The following IFT122 variants were observed in gnomAD, a reference collection of about 807,000 sequenced individuals.
IFT122 encodes the protein intraflagellar transport protein 122 homolog.
A neutral mutation model predicts 161.6 loss-of-function variants in IFT122; 118 were observed. The ratio of observed to expected loss-of-function variants is 0.73; its 90% CI spans 0.63 to 0.85. The LOEUF is 0.85. Ranked by LOEUF, IFT122 falls within the 40% of genes least tolerant of loss-of-function variation. IFT122 has a pLI of 0.00. For synonymous variants in IFT122, 550 were observed against 602.4 expected (o/e 0.91, Z 1.27); for missense variants, 1,381 against 1,579.6 (o/e 0.87, Z 2.13).
chr3:129,462,533 A>T (rs974687355), intron 5 of IFT122, among the ~76,000 whole-genome samples: 1 of 152,204 alleles, frequency 6.6e-6, no homozygotes. Context: ...CTGCTCTGCT[A>T]AGCACTGCTG....
intron 15 of IFT122, chr3:129,487,640 C>T (rs141298928): frequency 1.1e-3 from 182 of 167,018 alleles, no homozygotes; most frequent in African/African-American, 3.9e-3. Context: ...TTCTTGGACT[C>T]AGTCCCTGGA....
rs112120558 is a variant in IFT122 at position 129,501,953 on chromosome 3, C to T, written c.2376-758C>T. ...TCACCAAGACTAGCCTGGGTAGAAC[C>T]CTTTCTCCTGGGAGAGTTAGTTTGA... is the stretch of plus-strand genomic sequence containing the variant. On this transcript the variant is annotated intron_variant, in intron 19 of 29. Coordinates refer to ENST00000348417, the MANE Select transcript of IFT122 (RefSeq NM_052989.3). Among the ~76,000 whole-genome samples, 1,342 of 152,290 alleles carry T rather than the reference C, an allele frequency of 8.8e-3. 15 individuals are homozygous for T. The highest frequency in any genetic ancestry group is 0.031 in the African/African-American group (1,277 of 41,540).
chr3:129,456,002 T>A, intron 3 of IFT122: 1 of 402,574 alleles, frequency 2.5e-6, no homozygotes, highest in East Asian at 7.3e-5. Context: ...CTCATGTAGT[T>A]AAAACTCATG....
At chr3:129,460,790 C>A in intron 4 of IFT122, 1 of 1,336,496 alleles carries the variant, frequency 7.5e-7, no homozygotes, top group Non-Finnish European at 1.1e-6. Context: ...CGGGTTGAGA[C>A]GCCTTGCATG....
At chr3:129,475,997 G>A (rs1048108105) in intron 9 of IFT122, 17 of 422,760 alleles carry the variant, frequency 4.0e-5, no homozygotes, top group Admixed American at 7.3e-5. Context: ...GGGGGCCTTT[G>A]GGAACAAAAC....
intron 19 of IFT122, among the ~76,000 whole-genome samples, chr3:129,502,248 G>A (rs183337729): frequency 8.5e-5 from 13 of 152,312 alleles, no homozygotes; most frequent in Non-Finnish European, 1.2e-4. Context: ...CCACTTTTCC[G>A]TGAGAATTCC....
At chr3:129,493,200 A>G (rs2080365048) in intron 17 of IFT122, among the ~76,000 whole-genome samples, 1 of 152,158 alleles carries the variant, frequency 6.6e-6, no homozygotes, top group African/African-American at 2.4e-5. Context: ...TCTCCTGAAC[A>G]TATTTATTGT....
chr3:129,507,119 A>G (rs891063898), intron 22 of IFT122, among the ~76,000 whole-genome samples: 2 of 152,196 alleles, frequency 1.3e-5, no homozygotes, highest in Non-Finnish European at 2.9e-5. Context: ...TGAGCTCTGC[A>G]TGCCCATCTG....
Position 129,454,508 on chromosome 3 carries a change from CATATTTGTGTGTGTGTGT to C in IFT122, c.193+2511_193+2528del, listed in dbSNP as rs1245833392. Among the ~76,000 whole-genome samples, 476 of 112,440 alleles carry C rather than the reference CATATTTGTGTGTGTGTGT, an allele frequency of 4.2e-3. 5 individuals carry two copies. Among genetic ancestry groups the C allele is most frequent in the African/African-American group, 0.02 (462 of 22,922 alleles). The allele number at this position is 112,440 out of a possible 152,430, so 73.8% of individuals were successfully genotyped here. ...GTCAGGTGTGCTGTACCATGGTAGT[CATATTTGTGTGTGTGTGT>C]GTGTGTGTGTGTGTGTGTGTGTGTG... On this transcript the variant is annotated intron_variant, in intron 3 of 29. Coordinates refer to ENST00000348417, the MANE Select transcript of IFT122 (RefSeq NM_052989.3).
chr3:129,517,675 C>T, intron 27 of IFT122, 81 bp downstream of exon 27: 2 of 1,550,982 alleles, frequency 1.3e-6, no homozygotes, highest in South Asian at 2.2e-5. Flanking sequence ...AGGGCCCAGT[C>T]CCAGGGGATC....
chr3:129,487,247 A>G (rs184846396), intron 15 of IFT122, among the ~76,000 whole-genome samples: 17 of 152,350 alleles, frequency 1.1e-4, no homozygotes, highest in African/African-American at 3.4e-4. Context: ...TAAAGATGTC[A>G]TGGCCCAACT....
At chr3:129,503,005 T>A (rs1254601958) in intron 20 of IFT122, 123 bp downstream of exon 20, 2 of 861,696 alleles carry the variant, frequency 2.3e-6, no homozygotes, top group African/African-American at 1.7e-5. Flanking sequence ...GAAGGAACAT[T>A]GGGCTGGCAG....
chr3:129,520,487 G>GA lies in IFT122; in HGVS notation c.*229dup, dbSNP rs1156428002. ...AGAGAATGTACATATATTTTCTAAG[G>GA]AAAAAAATCTGTTACTTTCAGAACG... On this transcript the variant is annotated 3_prime_UTR_variant, in exon 30 of 30. Transcript: ENST00000348417. 11 of 607,130 alleles carry GA rather than the reference G, an allele frequency of 1.8e-5. 1 individual carries two copies. The highest frequency in any genetic ancestry group is 1.5e-4 in the African/African-American group (8 of 54,278). The allele number at this position is 607,130 out of a possible 1,614,324, so 37.6% of individuals were successfully genotyped here.
At chr3:129,457,719 T>G (rs2075685142) in intron 3 of IFT122, among the ~76,000 whole-genome samples, 1 of 150,446 alleles carries the variant, frequency 6.6e-6, no homozygotes, top group African/African-American at 2.5e-5. Flanking sequence ...ATTTCAAAAC[T>G]GGCACAGGAA....
intron 17 of IFT122, among the ~76,000 whole-genome samples, chr3:129,493,875 G>A (rs575883839): frequency 1.7e-4 from 26 of 152,126 alleles, no homozygotes; most frequent in Non-Finnish European, 3.1e-4. Flanking sequence ...TCCTCTCCTC[G>A]TATGCTATGA....
At position 129,492,143 on chromosome 3, in the gene IFT122, C is replaced by A; in HGVS notation, c.1995C>A (p.Ala665=). The change falls in exon 17 of 30, where the codon GCC becomes GCA. Residue 665 remains alanine, a splice_region_variant and synonymous_variant. Coordinates refer to ENST00000348417, the MANE Select transcript of IFT122 (RefSeq NM_052989.3). ...TATTCTTTATTTCTTCGCCACAGGC[C>A]TTCATCAGAGTACAAGACCTCCGAT... The part of the protein sequence containing the change: ...EGLDFETAKK[A]FIRVQDLRYL... The A allele has an allele frequency of 6.2e-7, 1 of 1,611,354 alleles. No homozygotes were observed. Among genetic ancestry groups the A allele is most frequent in the Non-Finnish European group, 8.5e-7 (1 of 1,177,702 alleles).
chr3:129,497,220 A>G (rs1024305084), intron 18 of IFT122, among the ~76,000 whole-genome samples: 2 of 152,182 alleles, frequency 1.3e-5, no homozygotes, highest in African/African-American at 4.8e-5. Flanking sequence ...GTGAGCCAAG[A>G]TCACGCCACT....
chr3:129,514,297 T>G, intron 24 of IFT122, 92 bp from the exon 25 acceptor site: 1 of 1,408,356 alleles, frequency 7.1e-7, no homozygotes, highest in Non-Finnish European at 9.9e-7. Context: ...CAGCACAAGC[T>G]GTGTTCCAGC....
intron 9 of IFT122, chr3:129,475,989 G>A (rs2077887503): frequency 7.3e-6 from 3 of 411,290 alleles, no homozygotes. Context: ...AGAGGGAGGG[G>A]GGCCTTTGGG....
Sources: allele counts gnomAD v4.1 joint callset (sites outside exome capture counted in the v4.1 genomes callset), GRCh38; gene constraint gnomAD v4.1.1; transcripts MANE v1.5; gene names NCBI Gene and HGNC (gene_info 2026-07-23, HGNC 2026-07-21).